MAST4: variants seen among roughly 807,000 people sequenced by gnomAD.
MAST4 encodes the protein microtubule associated serine/threonine kinase family member 4.
A neutral mutation model predicts 162.7 loss-of-function variants in MAST4; 89 were observed. The observed-to-expected ratio is 0.55, with a 90% CI of 0.46 to 0.65. MAST4 has a LOEUF of 0.65. Ranked by LOEUF, MAST4 falls within the 30% of genes least tolerant of loss-of-function variation. The pLI, the probability that MAST4 is intolerant of heterozygous loss-of-function variation, is 0.00. For missense variants in MAST4, 3,153 were observed against 3,374.0 expected (o/e 0.93, Z 1.62); for synonymous variants, 1,479 against 1,361.1 (o/e 1.09, Z -1.91).
chr5:67,094,003 C>G (rs1039974252), intron 6 of MAST4, among the ~76,000 whole-genome samples: 2 of 152,086 alleles, frequency 1.3e-5, no homozygotes, highest in African/African-American at 4.8e-5. Context: ...CAATTACTTT[C>G]TTCTTAAATC....
At chr5:67,136,985 C>T (rs185910606) in intron 19 of MAST4, among the ~76,000 whole-genome samples, 31 of 152,310 alleles carry the variant, frequency 2.0e-4, no homozygotes, top group Non-Finnish European at 5.9e-5. Flanking sequence ...ACTCTTCTAT[C>T]CCGAAAAGCA....
chr5:66,954,498 G>C (rs1211391257), intron 4 of MAST4, among the ~76,000 whole-genome samples: 1 of 152,142 alleles, frequency 6.6e-6, no homozygotes, highest in African/African-American at 2.4e-5. Flanking sequence ...TTGGCACTGG[G>C]ATTAAACAGC....
rs1753741135 is a variant in MAST4 at position 66,759,664 on chromosome 5, G to A, written c.364-45G>A. On this transcript the variant is annotated intron_variant, in intron 1 of 28. Transcript: ENST00000403625. ...AATGATTGGTCTTTCATTCTAGGCT[G>A]TGTTGATGCCCTAGCCAGTGATGCC... 3 of 1,606,364 alleles carry A rather than the reference G, an allele frequency of 1.9e-6. No individual in the cohort carries two copies. The South Asian group carries it at 3.3e-5, about 18-fold the overall frequency.
At chr5:66,790,287 C>T (rs992950720) in intron 3 of MAST4, among the ~76,000 whole-genome samples, 2 of 152,018 alleles carry the variant, frequency 1.3e-5, no homozygotes, top group African/African-American at 4.8e-5. Context: ...CATTAGATAG[C>T]TGTATAAACT....
chr5:66,938,944 G>T (rs1743058377), intron 4 of MAST4, among the ~76,000 whole-genome samples: 1 of 152,070 alleles, frequency 6.6e-6, no homozygotes, highest in Non-Finnish European at 1.5e-5. Flanking sequence ...AGCCTTTTCA[G>T]TTTTTTAGTA....
intron 1 of MAST4, among the ~76,000 whole-genome samples, chr5:66,683,697 G>A (rs888491073): frequency 1.3e-5 from 2 of 152,178 alleles, no homozygotes; most frequent in African/African-American, 2.4e-5. Flanking sequence ...GTTAAGAATT[G>A]TGTGCCCCCA....
chr5:67,013,273 T>C (rs1359528129), intron 4 of MAST4, among the ~76,000 whole-genome samples: 4 of 152,174 alleles, frequency 2.6e-5, no homozygotes, highest in African/African-American at 4.8e-5. Context: ...CCCTGGAAAG[T>C]TTCTAACCTG....
intron 1 of MAST4, among the ~76,000 whole-genome samples, chr5:66,678,735 T>C (rs1006770843): frequency 2.0e-5 from 3 of 152,090 alleles, no homozygotes; most frequent in African/African-American, 7.2e-5. Flanking sequence ...TCTCGTGATC[T>C]TCCCACCTTG....
At chr5:67,118,836 A>G in intron 13 of MAST4, 87 bp downstream of exon 13, 1 of 777,082 alleles carries the variant, frequency 1.3e-6, no homozygotes, top group Admixed American at 2.5e-5. Context: ...TTGTTCAACA[A>G]ATGTTTATTG....
At chr5:67,133,717 C>G in intron 17 of MAST4, 71 bp downstream of exon 17, 2 of 1,520,728 alleles carry the variant, frequency 1.3e-6, no homozygotes, top group Non-Finnish European at 1.8e-6. Context: ...TCAGAATCAA[C>G]TTGTGTGGGC....
intron 4 of MAST4, among the ~76,000 whole-genome samples, chr5:67,038,297 T>C (rs1756291628): frequency 6.6e-6 from 1 of 151,880 alleles, no homozygotes; most frequent in African/African-American, 2.4e-5. Context: ...TGATTTTTAT[T>C]ATTTATTTTT....
At chr5:66,836,163 C>T (rs1757954194) in intron 3 of MAST4, among the ~76,000 whole-genome samples, 1 of 117,594 alleles carries the variant, frequency 8.5e-6, no homozygotes. Flanking sequence ...AAAGTGAGAC[C>T]CTGTCTGGAA....
chr5:67,164,438 C>A lies in MAST4; in HGVS notation c.5259C>A (p.Val1753=). ...CCCATGCAGCTCAGATGAGTGCCGT[C>A]TCTTTTGTTCCCCTCAAGGCCTTAA... ...SSTHAAQMSA[V]SFVPLKALTG... is the part of the protein sequence containing the mutation. The change falls in exon 29 of 29, where the codon GTC becomes GTA. Residue 1753 remains valine (V), a synonymous_variant. Coordinates refer to ENST00000403625, the MANE Select transcript of MAST4 (RefSeq NM_001164664.2). This position sits in a 1 kb window ranked among gnomAD's most constrained non-coding sequence, Gnocchi z 5.3. The A allele has an allele frequency of 6.2e-7, 1 of 1,614,038 alleles. No homozygotes were observed. Among genetic ancestry groups the A allele is most frequent in the Non-Finnish European group, 8.5e-7 (1 of 1,179,912 alleles).
chr5:66,775,474 T>C (rs1175213305), intron 2 of MAST4, among the ~76,000 whole-genome samples: 1 of 152,150 alleles, frequency 6.6e-6, no homozygotes, highest in African/African-American at 2.4e-5. Context: ...AGACCAGAAA[T>C]GGAAAGGATG....
Position 66,756,604 on chromosome 5 carries a change from A to G in MAST4, c.364-3105A>G, listed in dbSNP as rs181731246. On this transcript the variant is annotated intron_variant, in intron 1 of 28. Coordinates refer to ENST00000403625, the MANE Select transcript of MAST4 (RefSeq NM_001164664.2). ...AAGTGACATGTTTGATGTCTACCAT[A>G]AGCTCTAGGGTGTGATGAAGTGTCT... 3.3e-5 allele frequency among the ~76,000 whole-genome samples: 5 copies of G among 152,358 alleles called. No individual in the cohort carries two copies. In the East Asian group the frequency reaches 9.6e-4, roughly 29 times the overall value.
Position 67,119,122 on chromosome 5 carries a change from G to A in MAST4, c.1659+373G>A, listed in dbSNP as rs147745931. On this transcript the variant is annotated intron_variant, in intron 13 of 28. Coordinates refer to ENST00000403625, the MANE Select transcript of MAST4 (RefSeq NM_001164664.2). Reference sequence around the variant, plus strand: ...GGATGCTTAGGTCCCTGTTGTTCATGTTTATCAGGTTTTTTGTTTTTGTTT... The same window carrying A: ...GGATGCTTAGGTCCCTGTTGTTCATATTTATCAGGTTTTTTGTTTTTGTTT... Among the ~76,000 whole-genome samples the A allele has an allele frequency of 2.2e-4, 34 of 152,266 alleles. 1 individual carries two copies. The highest frequency in any genetic ancestry group is 1.8e-3 in the Admixed American group (27 of 15,302).
In MAST4 at chr5:66,687,636, TTATCTATCTATCTATC is replaced by T. The variant is rs34407559; in HGVS notation, c.364-72045_364-72030del. 1.7e-3 allele frequency among the ~76,000 whole-genome samples: 247 copies of T among 149,530 alleles called. 1 individual carries two copies. Among genetic ancestry groups the T allele is most frequent in the African/African-American group, 5.7e-3 (232 of 40,670 alleles). Reference sequence around the variant, plus strand: ...TATGTATACATAGATGTGTGTGTGTTTATCTATCTATCTATCTATCTATCTATCTATCTATCTATCT... The same window carrying T: ...TATGTATACATAGATGTGTGTGTGTTTATCTATCTATCTATCTATCTATCT... On this transcript the variant is annotated intron_variant, in intron 1 of 28. Transcript: ENST00000403625.
At chr5:66,739,545 T>C (rs1163983331) in intron 1 of MAST4, among the ~76,000 whole-genome samples, 1 of 152,186 alleles carries the variant, frequency 6.6e-6, no homozygotes, top group African/African-American at 2.4e-5. Context: ...GTTTCAGTCT[T>C]CTCTTCACTC....
At chr5:66,882,590 T>A (rs1761761012) in intron 3 of MAST4, among the ~76,000 whole-genome samples, 2 of 152,204 alleles carry the variant, frequency 1.3e-5, no homozygotes, top group Non-Finnish European at 2.9e-5. Flanking sequence ...TTTTCTTTTT[T>A]GTTTTTATAA....
Sources: gnomAD v4.1 joint callset for allele counts (sites outside exome capture counted in the v4.1 genomes callset) on GRCh38, gnomAD v4.1.1 for gene constraint, Gnocchi (gnomAD v3.1) non-coding constraint, MANE v1.5 for transcripts, NCBI Gene and HGNC (gene_info 2026-07-23, HGNC 2026-07-21) for gene names.